HPSE2: variants seen among roughly 807,000 people sequenced by gnomAD.
HPSE2 encodes the protein inactive heparanase-2.
Under a neutral mutation model 60.5 loss-of-function variants are expected in HPSE2, and 38 were observed. That is an observed-to-expected ratio of 0.63 (90% CI 0.48 to 0.82). HPSE2 has a LOEUF of 0.82. Ranked by LOEUF, HPSE2 falls within the 40% of genes least tolerant of loss-of-function variation. The pLI is 0.00. For synonymous variants in HPSE2, 295 were observed against 293.2 expected, an observed-to-expected ratio of 1.01 and a Z score of -0.06; for missense variants, 713 against 740.4, an observed-to-expected ratio of 0.96 and a Z score of 0.43.
intron 11 of HPSE2, among the ~76,000 whole-genome samples, chr10:98,473,909 A>G (rs970529942): frequency 3.9e-5 from 6 of 152,200 alleles, no homozygotes; most frequent in African/African-American, 1.4e-4. Flanking sequence ...GATGTTATAG[A>G]AGAAACCTCT....
intron 2 of HPSE2, among the ~76,000 whole-genome samples, chr10:99,215,359 G>T (rs1012971005): frequency 2.6e-5 from 4 of 152,160 alleles, no homozygotes; most frequent in African/African-American, 7.2e-5. Context: ...AACTAACACA[G>T]GATCAGAAAA....
intron 9 of HPSE2, among the ~76,000 whole-genome samples, chr10:98,572,020 C>T (rs1944510470): frequency 6.6e-6 from 1 of 150,892 alleles, no homozygotes; most frequent in South Asian, 2.1e-4. Context: ...CTCACTGCAA[C>T]CTCCCCGCCT....
chr10:98,714,395 A>T lies in HPSE2; in HGVS notation c.956+7262T>A, dbSNP rs1185663189. 3.3e-5 allele frequency among the ~76,000 whole-genome samples: 5 copies of T among 152,058 alleles called. No individual in the cohort carries two copies. The East Asian group carries it at 9.6e-4, about 29-fold the overall frequency. On this transcript the variant is annotated intron_variant, in intron 5 of 11. Coordinates refer to ENST00000370552, the MANE Select transcript of HPSE2 (RefSeq NM_021828.5). ...CCAAAATCTTCACCAGCCCTAAGCA[A>T]CTACTAAACTATGTTTTGTTTCTAT... is the stretch of plus-strand genomic sequence containing the variant.
At chr10:98,799,871 G>A (rs1950866257) in intron 3 of HPSE2, among the ~76,000 whole-genome samples, 1 of 152,030 alleles carries the variant, frequency 6.6e-6, no homozygotes, top group Admixed American at 6.6e-5. Flanking sequence ...GCATCTTAAA[G>A]AATTAGAAAT....
intron 9 of HPSE2, among the ~76,000 whole-genome samples, chr10:98,553,398 C>T (rs1943915201): frequency 6.6e-6 from 1 of 152,160 alleles, no homozygotes; most frequent in South Asian, 2.1e-4. Flanking sequence ...TATTCCTTTT[C>T]CTTGTTTACA....
At chr10:99,294,094 C>T in the HPSE2 span, among the ~76,000 whole-genome samples, 3 of 152,008 alleles carry the variant, frequency 2.0e-5, no homozygotes, top group Non-Finnish European at 2.9e-5. Context: ...CAGGTGAATG[C>T]GGCAGTAGTG....
intron 3 of HPSE2, among the ~76,000 whole-genome samples, chr10:98,794,318 A>G (rs975311717): frequency 3.3e-5 from 5 of 150,460 alleles, no homozygotes; most frequent in African/African-American, 1.2e-4. Context: ...TGAGCTCTCC[A>G]CTGCAACCTC....
chr10:98,502,974 G>A (rs992071533), intron 9 of HPSE2, among the ~76,000 whole-genome samples: 2 of 152,310 alleles, frequency 1.3e-5, no homozygotes, highest in Non-Finnish European at 2.9e-5. Flanking sequence ...CAGTTTGGGA[G>A]GCCGAGGCGG....
intron 3 of HPSE2, among the ~76,000 whole-genome samples, chr10:98,930,499 C>T (rs1339517536): frequency 7.0e-6 from 1 of 143,856 alleles, no homozygotes; most frequent in East Asian, 2.0e-4. Context: ...GGGTATATAC[C>T]CAGTAATGGG....
intron 3 of HPSE2, among the ~76,000 whole-genome samples, chr10:98,958,387 C>T (rs1000665743): frequency 1.3e-5 from 2 of 151,908 alleles, no homozygotes; most frequent in Non-Finnish European, 2.9e-5. Context: ...AGAGGTCACA[C>T]AGAGAACTGT....
intron 3 of HPSE2, among the ~76,000 whole-genome samples, chr10:98,952,388 C>T (rs1955389757): frequency 6.7e-6 from 1 of 148,634 alleles, no homozygotes; most frequent in Non-Finnish European, 1.5e-5. Context: ...GCAAAATGGG[C>T]AAGGGTTTGG....
chr10:99,033,492 C>A (rs1957542902), intron 3 of HPSE2, among the ~76,000 whole-genome samples: 2 of 152,032 alleles, frequency 1.3e-5, no homozygotes, highest in African/African-American at 2.4e-5. Context: ...CATTAAAAAA[C>A]CAGTAACAGG....
chr10:98,496,215 C>T (rs1941833500), intron 9 of HPSE2, among the ~76,000 whole-genome samples: 1 of 152,038 alleles, frequency 6.6e-6, no homozygotes, highest in Non-Finnish European at 1.5e-5. Context: ...TCCCTGTATA[C>T]ACAGTTGCTT....
intron 8 of HPSE2, among the ~76,000 whole-genome samples, chr10:98,619,988 A>G (rs1284097411): frequency 6.6e-6 from 1 of 152,236 alleles, no homozygotes; most frequent in African/African-American, 2.4e-5. Context: ...GTGATCTTGA[A>G]TAAGTTACTT....
chr10:99,216,736 C>A (rs890314988), intron 2 of HPSE2, among the ~76,000 whole-genome samples: 1 of 152,288 alleles, frequency 6.6e-6, no homozygotes, highest in Non-Finnish European at 1.5e-5. Context: ...CCTATAAGGA[C>A]AGCATATTGC....
At chr10:98,515,071 A>T (rs1392754527) in intron 9 of HPSE2, among the ~76,000 whole-genome samples, 2 of 152,150 alleles carry the variant, frequency 1.3e-5, no homozygotes, top group Non-Finnish European at 2.9e-5. Flanking sequence ...TGAGGCAAGC[A>T]ATCATATTGA....
intron 11 of HPSE2, among the ~76,000 whole-genome samples, chr10:98,464,477 C>T (rs1328528584): frequency 2.0e-5 from 3 of 152,196 alleles, no homozygotes; most frequent in African/African-American, 2.4e-5. Flanking sequence ...ATCCTTGCAG[C>T]GTCTGTGTAG....
intron 3 of HPSE2, among the ~76,000 whole-genome samples, chr10:98,852,685 C>G (rs1295413099): frequency 2.6e-5 from 4 of 152,168 alleles, no homozygotes; most frequent in Admixed American, 1.3e-4. Flanking sequence ...TTCAATCACG[C>G]CTATTCAATG....
intron 2 of HPSE2, among the ~76,000 whole-genome samples, chr10:99,189,582 C>T (rs1254566625): frequency 6.6e-6 from 1 of 152,158 alleles, no homozygotes; most frequent in African/African-American, 2.4e-5. Flanking sequence ...AACACCAGAA[C>T]CACATGAAAA....
Sources: allele counts gnomAD v4.1 joint callset (sites outside exome capture counted in the v4.1 genomes callset), GRCh38; gene constraint gnomAD v4.1.1; transcripts MANE v1.5; gene names NCBI Gene and HGNC (gene_info 2026-07-23, HGNC 2026-07-21).